Variants in ATP8A2 observed in about 807,000 individuals in gnomAD.
The protein encoded by ATP8A2 is phospholipid-transporting ATPase IB.
ATP8A2 carries 100 observed loss-of-function variants against 165.6 expected under a neutral mutation model. That is an observed-to-expected ratio of 0.60 (90% confidence interval 0.51 to 0.71). ATP8A2 has a LOEUF of 0.71. ATP8A2 is among the 30% of genes least tolerant of loss of function. The pLI is 0.00. For synonymous variants in ATP8A2, 543 were observed against 548.8 expected (o/e 0.99, Z 0.15); for missense variants, 1,227 against 1,479.5 (o/e 0.83, Z 2.80).
chr13:25,847,275 G>A (rs1394339940), intron 30 of ATP8A2, among the ~76,000 whole-genome samples: 2 of 152,172 alleles, frequency 1.3e-5, no homozygotes, highest in East Asian at 1.9e-4. Flanking sequence ...CCCGATCATA[G>A]TACATTGAAA....
rs988025486 is a variant in ATP8A2, at chr13:25,906,049, G to A, written c.3183+43641G>A. The stretch of plus-strand genomic sequence containing the variant: ...AGCACCAGTCTATATTTGCCTGCAT[G>A]ATGAGGCCTTACCTTAAACTTTACA... On this transcript the variant is annotated intron_variant, in intron 33 of 36. Transcript: ENST00000381655. Among the ~76,000 whole-genome samples, 3 of 152,220 alleles carry A rather than the reference G, an allele frequency of 2.0e-5. No homozygotes were observed. In the South Asian group the frequency reaches 6.2e-4, roughly 32 times the overall value.
At chr13:25,816,748 G>C (rs766262) in intron 27 of ATP8A2, among the ~76,000 whole-genome samples, 87,299 of 151,854 alleles carry the variant, frequency 0.57, 25,391 homozygotes, top group East Asian at 0.7. Flanking sequence ...ATAACCCTCC[G>C]CTGGGAGAGT....
chr13:25,563,178 G>A (rs567379925), intron 15 of ATP8A2, among the ~76,000 whole-genome samples: 1 of 152,322 alleles, frequency 6.6e-6, no homozygotes, highest in Non-Finnish European at 1.5e-5. Context: ...GGGAGGCCGA[G>A]GTGGGTGGAT....
intron 28 of ATP8A2, among the ~76,000 whole-genome samples, chr13:25,832,994 A>G (rs1951517055): frequency 6.6e-6 from 1 of 152,194 alleles, no homozygotes; most frequent in African/African-American, 2.4e-5. Flanking sequence ...GAATTATAAG[A>G]GAATTTGATA....
intron 25 of ATP8A2, among the ~76,000 whole-genome samples, chr13:25,743,260 A>G (rs2043955818): frequency 6.6e-6 from 1 of 152,046 alleles, no homozygotes; most frequent in African/African-American, 2.4e-5. Flanking sequence ...GATGGCAGCA[A>G]CCACCAGAGG....
At chr13:25,771,545 A>AAT (rs1282855987) in intron 26 of ATP8A2, among the ~76,000 whole-genome samples, 2 of 152,194 alleles carry the variant, frequency 1.3e-5, no homozygotes, top group Non-Finnish European at 2.9e-5. Flanking sequence ...ACTGCATAGG[A>AAT]ATAGGATGTG....
intron 2 of ATP8A2, among the ~76,000 whole-genome samples, chr13:25,508,876 G>C (rs1227134289): frequency 4.6e-5 from 7 of 152,156 alleles, no homozygotes; most frequent in African/African-American, 1.7e-4. Flanking sequence ...GCCTTGCTTG[G>C]GGTAAGAACA....
intron 36 of ATP8A2, among the ~76,000 whole-genome samples, chr13:26,012,967 G>A (rs1424083037): frequency 2.6e-5 from 4 of 152,094 alleles, no homozygotes; most frequent in African/African-American, 7.2e-5. Flanking sequence ...TTTGTGTAGT[G>A]TTGCCATATT....
intron 16 of ATP8A2, among the ~76,000 whole-genome samples, chr13:25,567,616 T>C (rs2039353832): frequency 6.6e-6 from 1 of 152,116 alleles, no homozygotes; most frequent in Admixed American, 6.5e-5. Flanking sequence ...ACAAGCATAA[T>C]GAGGAATTGA....
At chr13:25,537,954 T>C in intron 6 of ATP8A2, 34 bp from the exon 7 acceptor site, 1 of 1,484,334 alleles carries the variant, frequency 6.7e-7, no homozygotes, top group South Asian at 1.2e-5. Context: ...TTCTTTTCTT[T>C]CGTGCCCCTC....
At chr13:25,432,850 T>C (rs1014070803) in intron 1 of ATP8A2, among the ~76,000 whole-genome samples, 2 of 152,212 alleles carry the variant, frequency 1.3e-5, no homozygotes, top group Non-Finnish European at 2.9e-5. Context: ...ATGTGTTTTA[T>C]TTCTACTAGA....
intron 1 of ATP8A2, among the ~76,000 whole-genome samples, chr13:25,426,222 C>G (rs6491054): frequency 6.6e-5 from 10 of 152,168 alleles, no homozygotes; most frequent in African/African-American, 1.9e-4. Context: ...GCATGGTGCC[C>G]GCATCTGCTT....
chr13:25,937,051 A>G (rs1045025715), intron 33 of ATP8A2, among the ~76,000 whole-genome samples: 2 of 152,184 alleles, frequency 1.3e-5, no homozygotes, highest in Non-Finnish European at 2.9e-5. Flanking sequence ...ATAGCTGTGT[A>G]TGAGTCTTTT....
At chr13:25,952,563 A>G (rs1279728052) in intron 33 of ATP8A2, among the ~76,000 whole-genome samples, 3 of 152,052 alleles carry the variant, frequency 2.0e-5, no homozygotes, top group African/African-American at 7.2e-5. Flanking sequence ...TTTTGTAGAA[A>G]CAGGGTCTCA....
intron 11 of ATP8A2, among the ~76,000 whole-genome samples, chr13:25,553,539 T>C (rs945046934): frequency 6.6e-6 from 1 of 152,244 alleles, no homozygotes; most frequent in Non-Finnish European, 1.5e-5. Context: ...TGGATGGCCT[T>C]CAGTGACCAT....
intron 1 of ATP8A2, among the ~76,000 whole-genome samples, chr13:25,433,393 T>C (rs984096523): frequency 2.0e-5 from 3 of 152,118 alleles, no homozygotes; most frequent in Non-Finnish European, 4.4e-5. Flanking sequence ...TCACCTCAGC[T>C]TCCCAAGTAG....
At chr13:25,509,779 T>G (rs1245384626) in intron 2 of ATP8A2, among the ~76,000 whole-genome samples, 6 of 152,170 alleles carry the variant, frequency 3.9e-5, no homozygotes, top group Non-Finnish European at 4.4e-5. Context: ...GACTAAACAT[T>G]TTAGAATTAC....
chr13:25,803,978 ACTT>A (rs1950675087), intron 27 of ATP8A2, among the ~76,000 whole-genome samples: 1 of 152,206 alleles, frequency 6.6e-6, no homozygotes, highest in African/African-American at 2.4e-5. Flanking sequence ...CAGCACAAGA[ACTT>A]CTGTTTTCTG....
At chr13:25,784,169 T>C (rs556138320) in intron 27 of ATP8A2, among the ~76,000 whole-genome samples, 60 of 83,658 alleles carry the variant, frequency 7.2e-4, no homozygotes, top group Non-Finnish European at 1.1e-3. Context: ...AAAAATGTTT[T>C]TAGGCATTGA....
Sources: gnomAD v4.1 joint callset for allele counts (sites outside exome capture counted in the v4.1 genomes callset) on GRCh38, gnomAD v4.1.1 for gene constraint, MANE v1.5 for transcripts, NCBI Gene and HGNC (gene_info 2026-07-23, HGNC 2026-07-21) for gene names.